RARB: variants seen among roughly 807,000 people sequenced by gnomAD.
The protein encoded by RARB is HBV-activated protein.
RARB carries 17 observed loss-of-function variants against 51.9 expected under a neutral mutation model. The ratio of observed to expected loss-of-function variants is 0.33; its 90% CI spans 0.22 to 0.49. RARB has a LOEUF of 0.49. Ranked by LOEUF, RARB falls within the 20% of genes least tolerant of loss-of-function variation. The pLI is 0.99. For missense variants in RARB, 369 were observed against 550.8 expected (o/e 0.67, Z 3.30); for synonymous variants, 215 against 195.4 (o/e 1.10, Z -0.84).
chr3:24,875,563 A>G (rs1235666579), intron 2 of RARB, among the ~76,000 whole-genome samples: 3 of 152,278 alleles, frequency 2.0e-5, no homozygotes, highest in South Asian at 2.1e-4. Flanking sequence ...AGCAACTCCA[A>G]TGTAAGCTAT....
intron 2 of RARB, among the ~76,000 whole-genome samples, chr3:25,049,119 A>G (rs1473266118): frequency 2.0e-5 from 3 of 152,188 alleles, no homozygotes; most frequent in Admixed American, 1.3e-4. Context: ...GATGAACCAT[A>G]GTTTTCAGCT....
At chr3:25,044,404 C>A (rs1198248585) in intron 2 of RARB, among the ~76,000 whole-genome samples, 2 of 152,022 alleles carry the variant, frequency 1.3e-5, no homozygotes, top group Non-Finnish European at 2.9e-5. Flanking sequence ...TGTATCCAGA[C>A]CCTTCATTAA....
chr3:24,971,989 T>A (rs199572063), intron 2 of RARB, among the ~76,000 whole-genome samples: 11 of 71,082 alleles, frequency 1.5e-4, no homozygotes, highest in African/African-American at 4.3e-4. Context: ...TATTTATTTT[T>A]CTTTAGGAAC....
At chr3:25,083,035 A>T (rs2125313725) in intron 3 of RARB, among the ~76,000 whole-genome samples, 1 of 152,120 alleles carries the variant, frequency 6.6e-6, no homozygotes, top group South Asian at 2.1e-4. Context: ...AACACCTGTT[A>T]TTCTTACTGT....
intron 5 of RARB, among the ~76,000 whole-genome samples, chr3:25,404,677 G>T (rs543454549): frequency 2.0e-5 from 3 of 152,076 alleles, no homozygotes; most frequent in African/African-American, 7.3e-5. Context: ...GGAAGAAAAC[G>T]CCAACAAATT....
chr3:25,159,640 G>A (rs1176324004), intron 4 of RARB, among the ~76,000 whole-genome samples: 2 of 152,110 alleles, frequency 1.3e-5, no homozygotes, highest in Non-Finnish European at 1.5e-5. Flanking sequence ...GATGAATGAA[G>A]CAAAACAGCT....
At chr3:25,484,470 T>G (rs896449133) in intron 2 of RARB, among the ~76,000 whole-genome samples, 3 of 152,174 alleles carry the variant, frequency 2.0e-5, no homozygotes, top group Non-Finnish European at 4.4e-5. Flanking sequence ...AATATACATA[T>G]GTTTTAGCCA....
At chr3:25,014,208 C>T (rs193256050) in intron 2 of RARB, among the ~76,000 whole-genome samples, 48 of 152,136 alleles carry the variant, frequency 3.2e-4, no homozygotes, top group Admixed American at 1.2e-3. Context: ...ATAACTATGT[C>T]TCTTTTCCCA....
chr3:25,369,454 G>T (rs986976316), intron 5 of RARB, among the ~76,000 whole-genome samples: 3 of 152,070 alleles, frequency 2.0e-5, no homozygotes, highest in African/African-American at 7.2e-5. Context: ...TAGATTCTGT[G>T]GATAAGTCAA....
intron 5 of RARB, among the ~76,000 whole-genome samples, chr3:25,331,034 A>G (rs1704878739): frequency 6.6e-6 from 1 of 152,208 alleles, no homozygotes; most frequent in Non-Finnish European, 1.5e-5. Flanking sequence ...GCAAGTCCTT[A>G]GAGACCTACA....
intron 1 of RARB, among the ~76,000 whole-genome samples, chr3:24,852,492 G>A (rs971043448): frequency 6.6e-6 from 1 of 151,952 alleles, no homozygotes; most frequent in African/African-American, 2.4e-5. Flanking sequence ...TTATGACCCA[G>A]GATTTCTATT....
At chr3:25,257,311 C>T (rs1338443721) in intron 5 of RARB, among the ~76,000 whole-genome samples, 1 of 152,000 alleles carries the variant, frequency 6.6e-6, no homozygotes, top group African/African-American at 2.4e-5. Context: ...GTGTCCAGCA[C>T]AGAGGAGTGA....
At chr3:25,216,377 C>T (rs1370806358) in intron 5 of RARB, among the ~76,000 whole-genome samples, 1 of 152,130 alleles carries the variant, frequency 6.6e-6, no homozygotes, top group African/African-American at 2.4e-5. Flanking sequence ...AAATGTAGTA[C>T]ATATACACCA....
At chr3:25,563,783 C>A (rs569572762) in intron 3 of RARB, among the ~76,000 whole-genome samples, 4 of 152,240 alleles carry the variant, frequency 2.6e-5, no homozygotes, top group Non-Finnish European at 5.9e-5. Flanking sequence ...GTTCTAATCA[C>A]CAACTGTAAC....
chr3:25,237,309 A>G (rs1702326045), intron 5 of RARB, among the ~76,000 whole-genome samples: 1 of 152,150 alleles, frequency 6.6e-6, no homozygotes, highest in African/African-American at 2.4e-5. Context: ...AAGCAGCATT[A>G]TAAAATGATC....
At chr3:25,408,173 G>A (rs1311988237) in intron 5 of RARB, among the ~76,000 whole-genome samples, 1 of 152,084 alleles carries the variant, frequency 6.6e-6, no homozygotes, top group Non-Finnish European at 1.5e-5. Flanking sequence ...CAGGCTCTGT[G>A]TCTCATTTCT....
chr3:24,936,600 T>C (rs1273404306), intron 2 of RARB, among the ~76,000 whole-genome samples: 1 of 152,164 alleles, frequency 6.6e-6, no homozygotes, highest in Non-Finnish European at 1.5e-5. Flanking sequence ...GGAAAGAAAA[T>C]GAGGGCATAG....
chr3:24,905,642 T>C (rs1694847070), intron 2 of RARB, among the ~76,000 whole-genome samples: 1 of 152,202 alleles, frequency 6.6e-6, no homozygotes, highest in African/African-American at 2.4e-5. Context: ...CTTTCTTTCC[T>C]TCTTCCCACC....
chr3:25,223,131 C>G (rs35888700), intron 5 of RARB, among the ~76,000 whole-genome samples: 15,472 of 152,170 alleles, frequency 0.1, 1,001 homozygotes, highest in South Asian at 0.26. Context: ...AGATATTAAG[C>G]AGTTCCCTCA....
Sources: allele counts gnomAD v4.1 joint callset (sites outside exome capture counted in the v4.1 genomes callset), GRCh38; gene constraint gnomAD v4.1.1; transcripts MANE v1.5; gene names NCBI Gene and HGNC (gene_info 2026-07-23, HGNC 2026-07-21).